DHX30: variants seen among roughly 807,000 people sequenced by gnomAD.
DHX30 encodes DExH-box helicase 30.
DHX30 carries 4 observed loss-of-function variants against 116.9 expected under a neutral mutation model. The observed-to-expected ratio is 0.03, with a 90% CI of 0.02 to 0.08. The LOEUF (loss-of-function observed/expected upper bound fraction) is 0.08. Among genes scored for constraint, DHX30 ranks in the 10% least tolerant of loss-of-function variants. The pLI is 1.00. For missense variants in DHX30, 871 were observed against 1,595.1 expected, an observed-to-expected ratio of 0.55 and a Z score of 7.73; for synonymous variants, 697 against 651.7, an observed-to-expected ratio of 1.07 and a Z score of -1.06.
At chr3:47,809,101 G>A (rs1412104973) in intron 2 of DHX30, among the ~76,000 whole-genome samples, 2 of 151,396 alleles carry the variant, frequency 1.3e-5, no homozygotes, top group East Asian at 3.9e-4. Context: ...TGGTCAGGGA[G>A]TATTGTTTTT....
At chr3:47,833,753 G>C (rs1178465383) in intron 6 of DHX30, among the ~76,000 whole-genome samples, 5 of 151,806 alleles carry the variant, frequency 3.3e-5, no homozygotes, top group Non-Finnish European at 7.4e-5. Flanking sequence ...AGCTACTCGG[G>C]AGGCTGAGGC....
chr3:47,845,892 A>AGTCT, intron 10 of DHX30, 40 bp downstream of exon 10: 1 of 1,569,242 alleles, frequency 6.4e-7, no homozygotes, highest in Non-Finnish European at 8.7e-7. Flanking sequence ...TGCTCCCTGT[A>AGTCT]GTCTGCCTCC....
At chr3:47,841,478 C>A in intron 7 of DHX30, 139 bp from the exon 8 acceptor site, 2 of 1,213,644 alleles carry the variant, frequency 1.6e-6, no homozygotes, top group East Asian at 2.4e-5. Context: ...CAGAGACGCC[C>A]GGTTTCCCAT....
At chr3:47,831,868 A>G (rs780820109) in intron 6 of DHX30, among the ~76,000 whole-genome samples, 91 of 149,536 alleles carry the variant, frequency 6.1e-4, no homozygotes, top group Non-Finnish European at 1.1e-3. Flanking sequence ...ACCACTCTAA[A>G]TACTTTTCCT....
In DHX30 at chr3:47,846,584, C is replaced by G; in HGVS notation, c.1512C>G (p.Ser504Arg). The stretch of plus-strand genomic sequence containing the variant: ...CTGTGTCTGTGGCACAGCGGGTCAG[C>G]CACGAACTGGGCCCCTCCCTGCGCC... ...ISAVSVAQRV[S>R]HELGPSLRRN... The change falls in exon 11 of 22, where the codon AGC (serine) becomes AGG (arginine). Residue 504 changes from serine (S) to arginine (R), a missense_variant. Physicochemically the swap from Ser to Arg is moderately radical, Grantham distance 110. Coordinates refer to ENST00000445061, the MANE Select transcript of DHX30 (RefSeq NM_138615.3). 6.2e-7 allele frequency: 1 copy of G among 1,614,156 alleles called. No individual in the cohort carries two copies. Among genetic ancestry groups the G allele is most frequent in the East Asian group, 2.2e-5 (1 of 44,880 alleles).
intron 6 of DHX30, among the ~76,000 whole-genome samples, chr3:47,831,672 C>CTT (rs775768382): frequency 2.2e-5 from 3 of 137,276 alleles, no homozygotes; most frequent in Admixed American, 7.4e-5. Context: ...CCTCTAGTTA[C>CTT]TTTTTTTTTT....
chr3:47,844,613 G>A (rs548262999), intron 9 of DHX30, among the ~76,000 whole-genome samples: 1 of 152,376 alleles, frequency 6.6e-6, no homozygotes, highest in South Asian at 2.1e-4. Flanking sequence ...ACGCCCAGAG[G>A]CAGGGGGTTG....
intron 4 of DHX30, among the ~76,000 whole-genome samples, chr3:47,820,282 A>G (rs2036240413): frequency 1.3e-5 from 2 of 151,962 alleles, no homozygotes; most frequent in Admixed American, 6.6e-5. Context: ...CCACTACACT[A>G]TAGCCTGGGC....
At chr3:47,829,623 C>T (rs1270348451) in intron 6 of DHX30, among the ~76,000 whole-genome samples, 1 of 151,826 alleles carries the variant, frequency 6.6e-6, no homozygotes, top group African/African-American at 2.4e-5. Context: ...GGATTACAGG[C>T]GTGAGCTCGT....
At chr3:47,824,687 T>G (rs965881942) in intron 4 of DHX30, 2 of 200,150 alleles carry the variant, frequency 1.0e-5, no homozygotes, top group East Asian at 1.2e-4. Flanking sequence ...TTAGGAACAA[T>G]TGGTAGGACC....
intron 4 of DHX30, among the ~76,000 whole-genome samples, chr3:47,820,597 C>A (rs2036252920): frequency 6.6e-6 from 1 of 152,192 alleles, no homozygotes; most frequent in Non-Finnish European, 1.5e-5. Context: ...CCTGAACTAT[C>A]TTGGACTTCC....
In DHX30 at chr3:47,847,816, A is replaced by T; in HGVS notation, c.2146A>T (p.Ile716Leu). The change falls in exon 14 of 22, where the codon ATA becomes TTA. Residue 716 changes from isoleucine (I) to leucine (L), a missense_variant. Ile to Leu is a conservative substitution (Grantham distance 5). Coordinates refer to ENST00000445061, the MANE Select transcript of DHX30 (RefSeq NM_138615.3). This position sits in a 1 kb window ranked among gnomAD's most constrained non-coding sequence, Gnocchi z 5.5. Reference sequence around the variant, plus strand: ...CATCCCCATGATGGATCAGAAGGCCATATTCCAGCAGCCTCCAGTTGGGGT... The same window carrying T: ...CATCCCCATGATGGATCAGAAGGCCTTATTCCAGCAGCCTCCAGTTGGGGT... ...SNIPMMDQKA[I>L]FQQPPVGVRK... The T allele has an allele frequency of 6.2e-7, 1 of 1,614,196 alleles. No homozygotes were observed. Among genetic ancestry groups the T allele is most frequent in the Non-Finnish European group, 8.5e-7 (1 of 1,180,028 alleles).
Position 47,848,405 on chromosome 3 carries a change from G to A in DHX30, c.2493+19G>A. ...GAAGACGGTGCGGCGGGGCGGGGCA[G>A]GGGCTGGCCTGGGGACCAGGCAGGT... On this transcript the variant is annotated intron_variant, in intron 15 of 21. Transcript: ENST00000445061. This position sits in a 1 kb window ranked among gnomAD's most constrained non-coding sequence, Gnocchi z 9.4. 6.2e-7 allele frequency: 1 copy of A among 1,613,902 alleles called. No homozygotes were observed. The highest frequency in any genetic ancestry group is 8.5e-7 in the Non-Finnish European group (1 of 1,179,992).
In DHX30 at chr3:47,841,169, G is replaced by A. The variant is rs779479397; in HGVS notation, c.659G>A (p.Arg220Lys). 3.7e-6 allele frequency: 6 copies of A among 1,613,656 alleles called. No individual in the cohort carries two copies. Among genetic ancestry groups the A allele is most frequent in the Middle Eastern group, 1.7e-4 (1 of 6,044 alleles). Reference sequence around the variant, plus strand: ...CAGCAGGATTCCCACGCTCCACTCAGGGACTCAAGGTACAGATGGAGGATG... The same window carrying A: ...CAGCAGGATTCCCACGCTCCACTCAAGGACTCAAGGTACAGATGGAGGATG... ...MTQQDSHAPL[R>K]DSRGSSFEMT... Residue 220 changes from arginine (R) to lysine (K), a missense_variant, in exon 7 of 22, where the codon AGG becomes AAG. Physicochemically the swap from Arg to Lys is conservative, Grantham distance 26 (BLOSUM62 2). Around this residue, in one of 13 missense-constraint regions of DHX30, gnomAD observed 109 missense variants for 118.8 expected, o/e 0.92. Transcript: ENST00000445061.
In DHX30 at chr3:47,840,977, C is replaced by T. The variant is rs747642098; in HGVS notation, c.467C>T (p.Pro156Leu). 20 of 1,614,066 alleles carry T rather than the reference C, an allele frequency of 1.2e-5. No homozygotes were observed. The highest frequency in any genetic ancestry group is 4.0e-5 in the African/African-American group (3 of 74,922). Residue 156 changes from proline to leucine, a missense_variant, in exon 7 of 22, where the codon CCG becomes CTG. Pro to Leu is a moderately conservative substitution (Grantham distance 98, BLOSUM62 -3). Coordinates refer to ENST00000445061, the MANE Select transcript of DHX30 (RefSeq NM_138615.3). ...FGSPADSWWR[P>L]EPTMPPTSWR... ...TCCCCTGCCGACAGCTGGTGGCGTC[C>T]GGAACCCACCATGCCCCCTACTTCC...
In DHX30 at chr3:47,841,085, A is replaced by G. The variant is rs1393728346; in HGVS notation, c.575A>G (p.Asp192Gly). Reference sequence around the variant, plus strand: ...TCTTTAGGCCGGGAAGAAGAGGAGGACGAGGAGGAAGAGCTAGAAGAAGGG... The same window carrying G: ...TCTTTAGGCCGGGAAGAAGAGGAGGGCGAGGAGGAAGAGCTAGAAGAAGGG... ...SRSLGREEEE[D>G]EEEELEEGTI... The change falls in exon 7 of 22, where the codon GAC becomes GGC. Residue 192 changes from aspartate (D) to glycine (G), a missense_variant. By Grantham distance (94) the Asp-to-Gly change is moderately conservative. Transcript: ENST00000445061. 1.2e-6 allele frequency: 2 copies of G among 1,614,156 alleles called. No individual in the cohort carries two copies. Among genetic ancestry groups the G allele is most frequent in the Non-Finnish European group, 1.7e-6 (2 of 1,180,030 alleles).
chr3:47,821,599 C>CTGAT (rs925433249), intron 4 of DHX30, among the ~76,000 whole-genome samples: 11 of 147,394 alleles, frequency 7.5e-5, no homozygotes, highest in Admixed American at 3.4e-4. Flanking sequence ...AGGTCCTTTA[C>CTGAT]TGATTGATTG....
intron 1 of DHX30, among the ~76,000 whole-genome samples, chr3:47,805,067 G>T (rs1273536646): frequency 6.6e-6 from 1 of 152,162 alleles, no homozygotes; most frequent in African/African-American, 2.4e-5. Flanking sequence ...GGCTTACAAG[G>T]CTTTCTTTAC....
In DHX30 at chr3:47,847,745, G is replaced by C; in HGVS notation, c.2111-36G>C. On this transcript the variant is annotated intron_variant, in intron 13 of 21. Coordinates refer to ENST00000445061, the MANE Select transcript of DHX30 (RefSeq NM_138615.3). This position sits in a 1 kb window ranked among gnomAD's most constrained non-coding sequence, Gnocchi z 5.5. ...ATTCCAGGGGGGAATTCTGGTGGAA[G>C]CAGTGCCCATAACTGGTGTGTGTCT... 1 of 1,597,466 alleles carries C rather than the reference G, an allele frequency of 6.3e-7. No individual in the cohort carries two copies. Among genetic ancestry groups the C allele is most frequent in the Non-Finnish European group, 8.6e-7 (1 of 1,168,834 alleles).
Sources: allele counts gnomAD v4.1 joint callset (sites outside exome capture counted in the v4.1 genomes callset), GRCh38; gene constraint gnomAD v4.1.1; regional missense constraint gnomAD v4.1.1; non-coding constraint Gnocchi (gnomAD v3.1); transcripts MANE v1.5; gene names NCBI Gene and HGNC (gene_info 2026-07-23, HGNC 2026-07-21).